LPCAT2: variants seen among roughly 807,000 people sequenced by gnomAD.
LPCAT2 encodes lysophosphatidylcholine acyltransferase 2.
A neutral mutation model predicts 64.7 loss-of-function variants in LPCAT2; 58 were observed. The ratio of observed to expected loss-of-function variants is 0.90; its 90% CI spans 0.73 to 1.12. The LOEUF (loss-of-function observed/expected upper bound fraction) is 1.12. Ranked by LOEUF, LPCAT2 falls within the 50% of genes most tolerant of loss-of-function variation. LPCAT2 has a pLI of 0.00. For missense variants in LPCAT2, 579 were observed against 669.8 expected (o/e 0.86, Z 1.50); for synonymous variants, 252 against 245.3 (o/e 1.03, Z -0.26).
intron 11 of LPCAT2, among the ~76,000 whole-genome samples, chr16:55,561,897 AC>A (rs1963640576): frequency 1.3e-5 from 2 of 151,938 alleles, no homozygotes; most frequent in South Asian, 4.1e-4. Context: ...TTTTACACAA[AC>A]CACTCAGTGT....
intron 11 of LPCAT2, among the ~76,000 whole-genome samples, chr16:55,560,457 A>G (rs574977852): frequency 6.6e-6 from 1 of 152,136 alleles, no homozygotes; most frequent in Non-Finnish European, 1.5e-5. Flanking sequence ...TCACCACACA[A>G]TATGTCAAAG....
rs528089426 is a variant in LPCAT2 at position 55,545,250 on chromosome 16, AAACAT to A, written c.853-482_853-478del. ...TTTTTAAAAAGCAGAATAAATGACAAAACATAAAGTTCAAACAAATAGTAAAAATA... is the reference window on the plus strand; with the variant it reads ...TTTTTAAAAAGCAGAATAAATGACAAAAAGTTCAAACAAATAGTAAAAATA... On this transcript the variant is annotated intron_variant, in intron 8 of 13. Transcript: ENST00000262134. Among the ~76,000 whole-genome samples the A allele has an allele frequency of 1.2e-3, 186 of 152,352 alleles. 1 individual carries two copies. Among genetic ancestry groups the A allele is most frequent in the Middle Eastern group, 6.8e-3 (2 of 294 alleles).
intron 6 of LPCAT2, 63 bp downstream of exon 6, chr16:55,532,945 A>T: frequency 2.2e-6 from 3 of 1,334,090 alleles, no homozygotes; most frequent in Non-Finnish European, 2.1e-6. Flanking sequence ...ATTCTCTGGG[A>T]CCCCTTTTAA....
At position 55,528,467 on chromosome 16, in the gene LPCAT2, TC is replaced by T. The variant is rs1963204291; in HGVS notation, c.404del (p.Pro135LeufsTer23). 6.2e-7 allele frequency: 1 copy of T among 1,614,080 alleles called. No individual in the cohort carries two copies. Among genetic ancestry groups the T allele is most frequent in the Non-Finnish European group, 8.5e-7 (1 of 1,179,960 alleles). The part of the protein sequence containing the change: ...IVAVKGKIAS[P>X]LEAPVFVAAP... ...TTGCTGTAAAAGGAAAGATTGCAAG[TC>T]CTTTGGAAGCACCAGTTTTTGTTGC... On this transcript the variant is annotated frameshift_variant, in exon 3 of 14. Transcript: ENST00000262134. LOFTEE classifies it high-confidence loss of function.
At chr16:55,513,924 C>A (rs750816184) in intron 1 of LPCAT2, among the ~76,000 whole-genome samples, 3 of 152,086 alleles carry the variant, frequency 2.0e-5, no homozygotes, top group Non-Finnish European at 4.4e-5. Context: ...CAGAGGAAAG[C>A]GAGTGCAGTG....
At chr16:55,522,045 G>A (rs1170100714) in intron 1 of LPCAT2, among the ~76,000 whole-genome samples, 2 of 151,594 alleles carry the variant, frequency 1.3e-5, no homozygotes, top group East Asian at 3.9e-4. Context: ...AATGGAAAAA[G>A]TATAACTGTC....
rs1362959649 is a variant in LPCAT2 at position 55,585,490 on chromosome 16, C to CAA, written c.*2393_*2394dup. 6.6e-6 allele frequency: 1 copy of CAA among 152,166 alleles called. No homozygotes were observed. The highest frequency in any genetic ancestry group is 1.5e-5 in the Non-Finnish European group (1 of 68,032). 9.4% of individuals were successfully genotyped at this position (152,166 alleles called of 1,614,324 possible). ...TCTTTCACAGAGGCTTTTCTCCTCT[C>CAA]AAGACTTAAAGTAAGAATTACATTT... On this transcript the variant is annotated 3_prime_UTR_variant, in exon 14 of 14. Transcript: ENST00000262134.
intron 8 of LPCAT2, chr16:55,539,447 A>G (rs1019471775): frequency 1.3e-5 from 2 of 152,166 alleles, no homozygotes; most frequent in Non-Finnish European, 2.9e-5. Context: ...GTAGTGCAGA[A>G]CAAGAGGATG....
chr16:55,530,005 T>G, intron 4 of LPCAT2, 58 bp downstream of exon 4: 1 of 1,264,290 alleles, frequency 7.9e-7, no homozygotes, highest in South Asian at 1.4e-5. Context: ...TGTATGTATG[T>G]AGACTTACTC....
At chr16:55,519,096 C>CCCAAT in intron 1 of LPCAT2, among the ~76,000 whole-genome samples, 1 of 152,036 alleles carries the variant, frequency 6.6e-6, no homozygotes. Context: ...GATAACCCAA[C>CCCAAT]TATCCACCCA....
At position 55,583,290 on chromosome 16, in the gene LPCAT2, GT is replaced by G. The variant is rs1963908142; in HGVS notation, c.*196del. 7.6e-6 allele frequency: 4 copies of G among 527,502 alleles called. No individual in the cohort carries two copies. The highest frequency in any genetic ancestry group is 1.9e-5 in the African/African-American group (1 of 52,740). The allele number at this position is 527,502 out of a possible 1,614,324, so 32.7% of individuals were successfully genotyped here. ...ATTGGAAAAAATCAAGCAATATTTC[GT>G]TTTCTTTTGTGTTATATTGTACTTT... is the stretch of plus-strand genomic sequence containing the variant. On this transcript the variant is annotated 3_prime_UTR_variant, in exon 14 of 14. Transcript: ENST00000262134.
chr16:55,519,353 CA>C (rs1316624873), intron 1 of LPCAT2, among the ~76,000 whole-genome samples: 2 of 148,340 alleles, frequency 1.3e-5, no homozygotes, highest in Admixed American at 6.7e-5. Flanking sequence ...AAAAAAAATA[CA>C]AAAAATTAGC....
At chr16:55,532,013 T>C (rs1166174041) in intron 5 of LPCAT2, 39 bp downstream of exon 5, 6 of 1,218,368 alleles carry the variant, frequency 4.9e-6, no homozygotes, top group Admixed American at 1.8e-5. Flanking sequence ...CAAAGTAATA[T>C]GTGAGATTTT....
At chr16:55,551,509 T>C (rs1351077127) in intron 11 of LPCAT2, among the ~76,000 whole-genome samples, 1 of 152,130 alleles carries the variant, frequency 6.6e-6, no homozygotes, top group African/African-American at 2.4e-5. Context: ...AACTCATACA[T>C]TGATGACATG....
intron 11 of LPCAT2, among the ~76,000 whole-genome samples, chr16:55,558,282 G>A (rs1157358129): frequency 3.9e-5 from 6 of 152,248 alleles, no homozygotes; most frequent in African/African-American, 1.4e-4. Flanking sequence ...GGCTAAATCA[G>A]AAGTAATTAT....
chr16:55,538,847 C>A (rs1363611404), intron 8 of LPCAT2: 1 of 151,994 alleles, frequency 6.6e-6, no homozygotes, highest in Non-Finnish European at 1.5e-5. Flanking sequence ...GTCTGACTTA[C>A]AGAACCTTTT....
intron 11 of LPCAT2, among the ~76,000 whole-genome samples, chr16:55,554,550 T>C (rs1334592773): frequency 1.3e-5 from 2 of 152,218 alleles, no homozygotes; most frequent in Non-Finnish European, 2.9e-5. Flanking sequence ...GTTGTGGCTT[T>C]GACCTTCTAT....
In LPCAT2 at chr16:55,563,398, C is replaced by T. The variant is rs538866788; in HGVS notation, c.1216-11233C>T. The stretch of plus-strand genomic sequence containing the variant: ...CCATGAGGCCAAAGTCAGATAAAAA[C>T]ACTTGGAGAGAAGAAAACTACAGAC... On this transcript the variant is annotated intron_variant, in intron 11 of 13. Coordinates refer to ENST00000262134, the MANE Select transcript of LPCAT2 (RefSeq NM_017839.5). Among the ~76,000 whole-genome samples the T allele has an allele frequency of 1.4e-4, 21 of 151,894 alleles. No individual in the cohort carries two copies. In the South Asian group the frequency reaches 3.9e-3, roughly 28 times the overall value.
At chr16:55,549,180 C>T in intron 9 of LPCAT2, 97 bp from the exon 10 acceptor site, 1 of 951,506 alleles carries the variant, frequency 1.1e-6, no homozygotes. Flanking sequence ...AATACTTTTT[C>T]ATTTGCTGTC....
Sources: allele counts gnomAD v4.1 joint callset (sites outside exome capture counted in the v4.1 genomes callset), GRCh38; gene constraint gnomAD v4.1.1; transcripts MANE v1.5; gene names NCBI Gene and HGNC (gene_info 2026-07-23, HGNC 2026-07-21).